GRIK4: variants seen among roughly 807,000 people sequenced by gnomAD.
GRIK4 encodes glutamate receptor ionotropic, kainate 4.
In GRIK4, 40 loss-of-function variants were observed where a neutral mutation model predicts 104.9. That is an observed-to-expected ratio of 0.38 (90% CI 0.30 to 0.50). The LOEUF (loss-of-function observed/expected upper bound fraction) is 0.50. GRIK4 is among the 20% of genes least tolerant of loss of function. The pLI is 0.93. For missense variants in GRIK4, 1,047 were observed against 1,308.1 expected (o/e 0.80, Z 3.08); for synonymous variants, 485 against 524.9 (o/e 0.92, Z 1.04).
At chr11:120,849,538 G>A (rs569320389) in intron 8 of GRIK4, among the ~76,000 whole-genome samples, 10 of 152,256 alleles carry the variant, frequency 6.6e-5, no homozygotes, top group South Asian at 4.2e-4. Flanking sequence ...CACAATAGGC[G>A]CTGCTGGCTC....
intron 3 of GRIK4, among the ~76,000 whole-genome samples, chr11:120,691,370 G>T (rs1460351363): frequency 6.6e-6 from 1 of 152,160 alleles, no homozygotes; most frequent in Non-Finnish European, 1.5e-5. Flanking sequence ...GATGTGACCA[G>T]CCTTGTGCAA....
chr11:120,833,638 A>G (rs1688557929), intron 7 of GRIK4, among the ~76,000 whole-genome samples: 1 of 151,982 alleles, frequency 6.6e-6, no homozygotes. Context: ...TTGCACTATT[A>G]TTTTTTTTAT....
At chr11:120,518,042 C>T (rs1221882599) in intron 1 of GRIK4, among the ~76,000 whole-genome samples, 1 of 152,208 alleles carries the variant, frequency 6.6e-6, no homozygotes, top group Non-Finnish European at 1.5e-5. Context: ...GGTTTCTGCT[C>T]TCCCTGTTCT....
At chr11:120,784,232 G>A (rs1952218419) in intron 3 of GRIK4, among the ~76,000 whole-genome samples, 1 of 152,180 alleles carries the variant, frequency 6.6e-6, no homozygotes, top group Admixed American at 6.5e-5. Flanking sequence ...GAACCCCCGT[G>A]TCCTCCTGGA....
chr11:120,950,052 C>G (rs1215503229), intron 14 of GRIK4, among the ~76,000 whole-genome samples: 2 of 152,148 alleles, frequency 1.3e-5, no homozygotes, highest in African/African-American at 4.8e-5. Context: ...AGAAAGTGAT[C>G]TAAACCATCC....
At chr11:120,678,944 T>TG (rs1950147649) in intron 3 of GRIK4, among the ~76,000 whole-genome samples, 1 of 151,926 alleles carries the variant, frequency 6.6e-6, no homozygotes. Flanking sequence ...GGTTTTTTTT[T>TG]TTTGTTTGTT....
intron 1 of GRIK4, among the ~76,000 whole-genome samples, chr11:120,518,456 T>TA (rs1452928205): frequency 1.3e-5 from 2 of 151,806 alleles, no homozygotes; most frequent in South Asian, 2.1e-4. Flanking sequence ...GCTATATATA[T>TA]TTTTTTTAAT....
At chr11:120,750,329 G>A (rs887127302) in intron 3 of GRIK4, among the ~76,000 whole-genome samples, 1 of 149,802 alleles carries the variant, frequency 6.7e-6, no homozygotes, top group African/African-American at 2.5e-5. Flanking sequence ...TATAAAAAAG[G>A]GATCTACAAA....
chr11:120,974,454 A>T (rs1485777321), intron 19 of GRIK4, among the ~76,000 whole-genome samples: 1 of 152,220 alleles, frequency 6.6e-6, no homozygotes, highest in Non-Finnish European at 1.5e-5. Flanking sequence ...TGAAACTGAG[A>T]GTGGCTGCAG....
intron 1 of GRIK4, among the ~76,000 whole-genome samples, chr11:120,604,313 C>T (rs1036007370): frequency 2.0e-5 from 3 of 152,156 alleles, no homozygotes; most frequent in Non-Finnish European, 4.4e-5. Context: ...GTGGGGAGCC[C>T]TCTGTTAGCA....
chr11:120,906,483 G>A (rs1007267207), intron 13 of GRIK4, among the ~76,000 whole-genome samples: 6 of 152,150 alleles, frequency 3.9e-5, no homozygotes, highest in Admixed American at 2.0e-4. Context: ...ATGAGCAATC[G>A]AGCCCAGAAA....
At chr11:120,595,519 G>A (rs2135120008) in intron 1 of GRIK4, among the ~76,000 whole-genome samples, 1 of 152,320 alleles carries the variant, frequency 6.6e-6, no homozygotes, top group Non-Finnish European at 1.5e-5. Context: ...ACTGACTGAG[G>A]GCGTGAATGG....
intron 1 of GRIK4, among the ~76,000 whole-genome samples, chr11:120,625,643 G>A (rs1189954911): frequency 3.3e-5 from 5 of 151,888 alleles, no homozygotes; most frequent in African/African-American, 1.2e-4. Context: ...TTTTGGTCTG[G>A]GTCTCGGTGG....
rs78864053 is a variant in GRIK4, at chr11:120,876,737, G to A, written c.1164+1494G>A. The stretch of plus-strand genomic sequence containing the variant: ...AGAGAGATCTACCTCTAAAGTCTAA[G>A]TTCTTAACCATTACAACAAATTATG... On this transcript the variant is annotated intron_variant, in intron 11 of 20. Transcript: ENST00000527524. Among the ~76,000 whole-genome samples the A allele has an allele frequency of 1.5e-3, 221 of 152,282 alleles. 1 individual carries two copies. Among genetic ancestry groups the A allele is most frequent in the African/African-American group, 5.1e-3 (211 of 41,562 alleles).
At chr11:120,933,215 A>G (rs1943517990) in intron 13 of GRIK4, among the ~76,000 whole-genome samples, 1 of 152,368 alleles carries the variant, frequency 6.6e-6, no homozygotes, top group Admixed American at 6.5e-5. Context: ...CGCAGGGGCC[A>G]GAGTGGGGGA....
chr11:120,761,473 T>C (rs1160632556), intron 3 of GRIK4, among the ~76,000 whole-genome samples: 1 of 152,270 alleles, frequency 6.6e-6, no homozygotes, highest in Non-Finnish European at 1.5e-5. Context: ...TTTGTCAATT[T>C]TGGCTTTTGT....
At chr11:120,950,000 C>T (rs1358022239) in intron 14 of GRIK4, among the ~76,000 whole-genome samples, 1 of 152,166 alleles carries the variant, frequency 6.6e-6, no homozygotes, top group Non-Finnish European at 1.5e-5. Flanking sequence ...CATATGACAC[C>T]TGATTTGCCC....
chr11:120,971,439 C>A (rs979271490), intron 19 of GRIK4, among the ~76,000 whole-genome samples: 3 of 152,208 alleles, frequency 2.0e-5, no homozygotes, highest in Non-Finnish European at 4.4e-5. Context: ...GTCTGGAAAG[C>A]CTTATCTTAT....
chr11:120,675,643 C>T (rs1950088582), intron 3 of GRIK4, among the ~76,000 whole-genome samples: 1 of 152,208 alleles, frequency 6.6e-6, no homozygotes, highest in South Asian at 2.1e-4. Flanking sequence ...CAGGTGTGGG[C>T]TTTATTGATG....
Sources: allele counts gnomAD v4.1 joint callset (sites outside exome capture counted in the v4.1 genomes callset), GRCh38; gene constraint gnomAD v4.1.1; transcripts MANE v1.5; gene names NCBI Gene and HGNC (gene_info 2026-07-23, HGNC 2026-07-21).